The following TYR variants were observed in gnomAD, a reference collection of about 807,000 sequenced individuals.
TYR encodes tyrosinase.
In TYR, 58 loss-of-function variants were observed where a neutral mutation model predicts 51.5. That is an observed-to-expected ratio of 1.13 (90% CI 0.91 to 1.40). The LOEUF (loss-of-function observed/expected upper bound fraction) is 1.40. Ranked by LOEUF, TYR falls within the 40% of genes most tolerant of loss-of-function variation. TYR has a pLI of 0.00. For missense variants in TYR, 732 were observed against 647.4 expected, an observed-to-expected ratio of 1.13 and a Z score of -1.42; for synonymous variants, 263 against 235.2, an observed-to-expected ratio of 1.12 and a Z score of -1.08.
chr11:89,207,878 T>C (rs910036576), intron 2 of TYR, among the ~76,000 whole-genome samples: 2 of 152,336 alleles, frequency 1.3e-5, no homozygotes, highest in Admixed American at 6.5e-5. Flanking sequence ...TAATATTTTT[T>C]CAAGGTTACC....
intron 1 of TYR, among the ~76,000 whole-genome samples, chr11:89,190,246 A>G (rs1489773944): frequency 6.6e-6 from 1 of 152,100 alleles, no homozygotes; most frequent in Non-Finnish European, 1.5e-5. Context: ...GTTCCACAAA[A>G]CGCCTGGATG....
intron 3 of TYR, among the ~76,000 whole-genome samples, chr11:89,254,462 T>G (rs934917914): frequency 6.6e-6 from 1 of 151,732 alleles, no homozygotes; most frequent in Non-Finnish European, 1.5e-5. Context: ...GGACCTTTTT[T>G]GTTGTTGTTG....
At position 89,225,972 on chromosome 11, in the gene TYR, A is replaced by G. The variant is rs183074786; in HGVS notation, c.1037-1851A>G. Among the ~76,000 whole-genome samples the G allele has an allele frequency of 1.8e-3, 276 of 152,160 alleles. 1 individual carries two copies. Among genetic ancestry groups the G allele is most frequent in the Non-Finnish European group, 1.9e-3 (131 of 67,936 alleles). On this transcript the variant is annotated intron_variant, in intron 2 of 4. Transcript: ENST00000263321. ...AAAATATCACATGTACCCCAAAGAT[A>G]TGTACAATTGTTACATACCAATGAA... is the stretch of plus-strand genomic sequence containing the variant.
At chr11:89,294,262 T>A (rs1172920836) in intron 4 of TYR, 2 of 152,516 alleles carry the variant, frequency 1.3e-5, no homozygotes, top group African/African-American at 4.8e-5. Flanking sequence ...CCTCCCTTTT[T>A]AAAATTATTT....
chr11:89,188,272 C>A (rs2135250346), intron 1 of TYR, among the ~76,000 whole-genome samples: 1 of 151,756 alleles, frequency 6.6e-6, no homozygotes, highest in South Asian at 2.1e-4. Flanking sequence ...ACTGTAAACT[C>A]TATAAAAATA....
At chr11:89,284,334 A>G (rs1944755307) in intron 3 of TYR, among the ~76,000 whole-genome samples, 1 of 151,854 alleles carries the variant, frequency 6.6e-6, no homozygotes, top group African/African-American at 2.4e-5. Context: ...TGAATGTTTA[A>G]ATCATTGAAA....
At chr11:89,223,458 G>C (rs562553778) in intron 2 of TYR, among the ~76,000 whole-genome samples, 1 of 151,876 alleles carries the variant, frequency 6.6e-6, no homozygotes, top group African/African-American at 2.4e-5. Context: ...ATAGAAAATA[G>C]TTTGTTCACA....
chr11:89,220,395 C>T (rs1252961083), intron 2 of TYR, among the ~76,000 whole-genome samples: 2 of 152,160 alleles, frequency 1.3e-5, no homozygotes, highest in African/African-American at 4.8e-5. Context: ...CTAAACTATT[C>T]ATGAGAAATT....
At chr11:89,216,313 T>C (rs1943830873) in intron 2 of TYR, among the ~76,000 whole-genome samples, 1 of 152,186 alleles carries the variant, frequency 6.6e-6, no homozygotes, top group Admixed American at 6.5e-5. Context: ...TTATTCCTTC[T>C]GAGGTTCTAT....
Position 89,275,894 on chromosome 11 carries a change from A to T in TYR, c.1185-8879A>T, listed in dbSNP as rs1565420595. Among the ~76,000 whole-genome samples the T allele has an allele frequency of 2.0e-5, 3 of 152,040 alleles. No individual in the cohort carries two copies. In the South Asian group the frequency reaches 6.2e-4, roughly 32 times the overall value. Reference sequence around the variant, plus strand: ...CAACTCCATTTAGGTTATAGTTCACAATGTACAGAGAAACCTTCAGGCTGA... The same window carrying T: ...CAACTCCATTTAGGTTATAGTTCACTATGTACAGAGAAACCTTCAGGCTGA... On this transcript the variant is annotated intron_variant, in intron 3 of 4. Coordinates refer to ENST00000263321, the MANE Select transcript of TYR (RefSeq NM_000372.5).
At chr11:89,193,194 C>A (rs930339615) in intron 2 of TYR, among the ~76,000 whole-genome samples, 2 of 152,126 alleles carry the variant, frequency 1.3e-5, no homozygotes, top group African/African-American at 4.8e-5. Context: ...CAAAGCGAAG[C>A]TACATCTTTA....
At chr11:89,272,582 TAAAC>T (rs1464820792) in intron 3 of TYR, among the ~76,000 whole-genome samples, 1 of 151,898 alleles carries the variant, frequency 6.6e-6, no homozygotes, top group African/African-American at 2.4e-5. Flanking sequence ...GGCTTCAACT[TAAAC>T]TAACCAGCTG....
intron 3 of TYR, among the ~76,000 whole-genome samples, chr11:89,240,266 A>T (rs1277910457): frequency 1.3e-5 from 2 of 152,172 alleles, no homozygotes; most frequent in Non-Finnish European, 2.9e-5. Flanking sequence ...AAATCAAAAA[A>T]TAAAAATAAA....
intron 3 of TYR, among the ~76,000 whole-genome samples, chr11:89,259,803 C>A (rs1460448468): frequency 2.0e-5 from 3 of 152,046 alleles, no homozygotes; most frequent in Non-Finnish European, 4.4e-5. Flanking sequence ...AATGACAGAA[C>A]CATATGTAAC....
intron 3 of TYR, among the ~76,000 whole-genome samples, chr11:89,270,222 C>T (rs184884053): frequency 1.1e-4 from 17 of 151,968 alleles, no homozygotes; most frequent in African/African-American, 3.6e-4. Context: ...TTCCTTCATG[C>T]TTGTGCTTTA....
At chr11:89,189,744 A>G (rs1273810037) in intron 1 of TYR, among the ~76,000 whole-genome samples, 1 of 152,046 alleles carries the variant, frequency 6.6e-6, no homozygotes, top group Non-Finnish European at 1.5e-5. Flanking sequence ...TCTTCATTTG[A>G]TAGATGAGGC....
intron 2 of TYR, among the ~76,000 whole-genome samples, chr11:89,202,380 G>T (rs972788760): frequency 1.3e-5 from 2 of 151,746 alleles, no homozygotes; most frequent in Non-Finnish European, 2.9e-5. Context: ...AAATTGCACA[G>T]TAAAAGCACA....
At chr11:89,225,458 T>A (rs534404963) in intron 2 of TYR, among the ~76,000 whole-genome samples, 2 of 151,944 alleles carry the variant, frequency 1.3e-5, no homozygotes, top group South Asian at 4.1e-4. Context: ...AAAATTTGTA[T>A]CCTTAGACTA....
At chr11:89,211,492 C>T (rs999234023) in intron 2 of TYR, among the ~76,000 whole-genome samples, 6 of 152,156 alleles carry the variant, frequency 3.9e-5, no homozygotes, top group Middle Eastern at 3.4e-3. Flanking sequence ...GACTCCCATA[C>T]AATAATAGTG....
Sources: allele counts gnomAD v4.1 joint callset (sites outside exome capture counted in the v4.1 genomes callset), GRCh38; gene constraint gnomAD v4.1.1; transcripts MANE v1.5; gene names NCBI Gene and HGNC (gene_info 2026-07-23, HGNC 2026-07-21).